Variants in MTUS2 observed in about 807,000 individuals in gnomAD.
MTUS2 encodes the protein microtubule-associated tumor suppressor candidate 2.
MTUS2 carries 40 observed loss-of-function variants against 114.1 expected under a neutral mutation model. The observed-to-expected ratio is 0.35, with a 90% CI of 0.27 to 0.46. The LOEUF (loss-of-function observed/expected upper bound fraction) is 0.46, where lower values mean the gene tolerates loss of function less well. MTUS2 is among the 20% of genes least tolerant of loss of function. The pLI is 1.00. For synonymous variants in MTUS2, 688 were observed against 672.0 expected (o/e 1.02, Z -0.37); for missense variants, 1,679 against 1,705.4 (o/e 0.98, Z 0.27).
chr13:29,444,113 A>T (rs1158899817), intron 9 of MTUS2, among the ~76,000 whole-genome samples: 1 of 152,164 alleles, frequency 6.6e-6, no homozygotes, highest in African/African-American at 2.4e-5. Flanking sequence ...TCTGAGGTGA[A>T]TAAATGCAAT....
chr13:29,442,693 G>A (rs1877980901), intron 9 of MTUS2, among the ~76,000 whole-genome samples: 1 of 152,100 alleles, frequency 6.6e-6, no homozygotes, highest in African/African-American at 2.4e-5. Flanking sequence ...ACCCTGCAGT[G>A]CCCTGTGATT....
At chr13:29,376,019 A>ATG (rs368758751) in intron 8 of MTUS2, among the ~76,000 whole-genome samples, 1 of 99,602 alleles carries the variant, frequency 1.0e-5, no homozygotes, top group African/African-American at 2.8e-5. Flanking sequence ...GTGTGTATGT[A>ATG]TGTGTGTGTA....
chr13:28,894,292 GAGAGA>G, intron 2 of MTUS2, among the ~76,000 whole-genome samples: 2 of 10,010 alleles, frequency 2.0e-4, no homozygotes, highest in African/African-American at 5.1e-4. Flanking sequence ...GGGGGGGGGA[GAGAGA>G]GAGAGAGGGG....
intron 5 of MTUS2, among the ~76,000 whole-genome samples, chr13:29,136,482 T>C (rs1891983231): frequency 6.6e-6 from 1 of 152,164 alleles, no homozygotes; most frequent in Admixed American, 6.6e-5. Flanking sequence ...GGTTGGGACT[T>C]TCAGTCCTAC....
intron 11 of MTUS2, 57 bp from the exon 12 acceptor site, chr13:29,492,589 T>C: frequency 7.0e-7 from 1 of 1,438,434 alleles, no homozygotes; most frequent in Non-Finnish European, 9.8e-7. Context: ...CAAAAGAGCC[T>C]TGTTTTATCC....
At chr13:29,031,417 TATAG>T (rs1566309233) in intron 3 of MTUS2, among the ~76,000 whole-genome samples, 1 of 151,436 alleles carries the variant, frequency 6.6e-6, no homozygotes, top group Non-Finnish European at 1.5e-5. Context: ...TATATATATA[TATAG>T]AGAGAGATTG....
At chr13:29,109,680 G>T (rs1195504228) in intron 5 of MTUS2, among the ~76,000 whole-genome samples, 1 of 152,116 alleles carries the variant, frequency 6.6e-6, no homozygotes, top group Non-Finnish European at 1.5e-5. Context: ...GCATCAGATG[G>T]AATTAATATC....
chr13:29,442,551 T>C (rs1183687005), intron 9 of MTUS2, among the ~76,000 whole-genome samples: 2 of 152,154 alleles, frequency 1.3e-5, no homozygotes, highest in Non-Finnish European at 2.9e-5. Flanking sequence ...ACCTCAGCTT[T>C]GCAAAGATAT....
chr13:29,040,947 G>A (rs1887324319), intron 4 of MTUS2, among the ~76,000 whole-genome samples: 1 of 152,108 alleles, frequency 6.6e-6, no homozygotes, highest in South Asian at 2.1e-4. Context: ...CTGTGCAGAA[G>A]CTTTTTAGTT....
chr13:29,260,116 T>TATA (rs71190799), intron 5 of MTUS2, among the ~76,000 whole-genome samples: 2,012 of 152,336 alleles, frequency 0.013, 28 homozygotes, highest in East Asian at 0.083. Context: ...TATTTCTCTA[T>TATA]GCCATAGGAT....
chr13:29,324,746 T>A (rs1271310914), intron 7 of MTUS2, 35 bp downstream of exon 7: 1 of 1,471,974 alleles, frequency 6.8e-7, no homozygotes, highest in Non-Finnish European at 9.3e-7. Flanking sequence ...CTTGGGGGAA[T>A]GACTTGAACT....
chr13:29,264,620 C>T (rs1593238369), intron 5 of MTUS2, among the ~76,000 whole-genome samples: 2 of 152,262 alleles, frequency 1.3e-5, no homozygotes, highest in African/African-American at 2.4e-5. Flanking sequence ...TCAACTCTTG[C>T]ACTCTTCTAT....
At chr13:29,426,739 G>A (rs1876562667) in intron 8 of MTUS2, among the ~76,000 whole-genome samples, 1 of 152,198 alleles carries the variant, frequency 6.6e-6, no homozygotes, top group South Asian at 2.1e-4. Context: ...TGTCAGATTA[G>A]TTAGGCATGT....
chr13:29,204,856 G>A (rs1270363836), intron 5 of MTUS2, among the ~76,000 whole-genome samples: 1 of 152,218 alleles, frequency 6.6e-6, no homozygotes, highest in Admixed American at 6.5e-5. Flanking sequence ...GCACCTGCTG[G>A]CCATAGGGTC....
intron 2 of MTUS2, among the ~76,000 whole-genome samples, chr13:29,013,662 A>C (rs542380571): frequency 1.1e-4 from 16 of 152,348 alleles, no homozygotes; most frequent in East Asian, 3.9e-4. Flanking sequence ...GTTAAAGGGG[A>C]CATGTAACTC....
chr13:29,429,015 C>T (rs989054103), intron 8 of MTUS2: 2 of 969,680 alleles, frequency 2.1e-6, no homozygotes, highest in Non-Finnish European at 3.3e-6. Context: ...TGTTGGTGAA[C>T]AGGAGGCTCC....
At chr13:29,307,270 C>T (rs1448819726) in intron 6 of MTUS2, 41 of 648,666 alleles carry the variant, frequency 6.3e-5, no homozygotes, top group Middle Eastern at 4.5e-4. Flanking sequence ...CAAAGTCATC[C>T]GTGACAACTT....
chr13:29,193,296 C>T (rs1894523475), intron 5 of MTUS2, among the ~76,000 whole-genome samples: 1 of 152,042 alleles, frequency 6.6e-6, no homozygotes, highest in Non-Finnish European at 1.5e-5. Flanking sequence ...ATAGAACACA[C>T]CATTCAGCTC....
chr13:28,944,102 T>A (rs1216908340), intron 2 of MTUS2, among the ~76,000 whole-genome samples: 4 of 152,148 alleles, frequency 2.6e-5, no homozygotes, highest in African/African-American at 9.6e-5. Context: ...TTTCTTTTTT[T>A]AATATATAAT....
Sources: gnomAD v4.1 joint callset for allele counts (sites outside exome capture counted in the v4.1 genomes callset) on GRCh38, gnomAD v4.1.1 for gene constraint, MANE v1.5 for transcripts, NCBI Gene and HGNC (gene_info 2026-07-23, HGNC 2026-07-21) for gene names.